The following SH3D19 variants were observed in gnomAD, a reference collection of about 807,000 sequenced individuals.
SH3D19 encodes the protein SH3 domain containing 19.
In SH3D19, 58 loss-of-function variants were observed where a neutral mutation model predicts 112.1. That is an observed-to-expected ratio of 0.52 (90% confidence interval 0.42 to 0.64). SH3D19 has a LOEUF of 0.64. Among genes scored for constraint, SH3D19 ranks in the 30% least tolerant of loss-of-function variants. SH3D19 has a pLI of 0.00. For missense variants in SH3D19, 1,090 were observed against 1,263.4 expected (o/e 0.86, Z 2.08); for synonymous variants, 391 against 448.5 (o/e 0.87, Z 1.62).
intron 2 of SH3D19, among the ~76,000 whole-genome samples, chr4:151,211,512 G>A (rs1007958857): frequency 1.3e-5 from 2 of 151,748 alleles, no homozygotes; most frequent in Non-Finnish European, 2.9e-5. Context: ...GAGGAAGGCA[G>A]GTCGAAAGCT....
intron 9 of SH3D19, among the ~76,000 whole-genome samples, chr4:151,150,314 TATATATAC>T (rs1754811401): frequency 7.2e-6 from 1 of 139,422 alleles, no homozygotes; most frequent in Non-Finnish European, 1.5e-5. Context: ...CACACACATA[TATATATAC>T]ATATATATAT....
At chr4:151,175,777 T>C (rs1759842855) in intron 6 of SH3D19, 103 bp from the exon 7 acceptor site, 1 of 1,071,730 alleles carries the variant, frequency 9.3e-7, no homozygotes, top group Admixed American at 4.2e-5. Context: ...ACTACATACA[T>C]GGAATATCAA....
At chr4:151,243,065 C>CA (rs542548429) in intron 1 of SH3D19, among the ~76,000 whole-genome samples, 147 of 152,160 alleles carry the variant, frequency 9.7e-4, no homozygotes, top group African/African-American at 3.4e-3. Context: ...AGAAAAATTG[C>CA]AAAAAGATTT....
chr4:151,282,090 G>A (rs1364061191), intron 1 of SH3D19: 1 of 1,576,824 alleles, frequency 6.3e-7, no homozygotes, highest in Non-Finnish European at 8.7e-7. Context: ...CTACATATAG[G>A]CAGCCTGTTC....
intron 1 of SH3D19, among the ~76,000 whole-genome samples, chr4:151,243,549 T>C (rs990736902): frequency 5.3e-5 from 8 of 152,360 alleles, no homozygotes; most frequent in East Asian, 3.9e-4. Context: ...GTTTATATTA[T>C]GTTGCCTAGT....
intron 2 of SH3D19, among the ~76,000 whole-genome samples, chr4:151,199,077 T>C (rs28401367): frequency 0.018 from 2,756 of 150,026 alleles, 82 homozygotes; most frequent in African/African-American, 0.063. Context: ...ACCAAGAACA[T>C]ATTTGGTAGC....
chr4:151,310,792 G>C (rs575539179), intron 1 of SH3D19, among the ~76,000 whole-genome samples: 4 of 151,320 alleles, frequency 2.6e-5, no homozygotes, highest in Admixed American at 6.6e-5. Flanking sequence ...GGCTGGTCTC[G>C]AACTCCTGAC....
intron 1 of SH3D19, among the ~76,000 whole-genome samples, chr4:151,294,516 A>G (rs1775566605): frequency 6.6e-6 from 1 of 152,252 alleles, no homozygotes; most frequent in Non-Finnish European, 1.5e-5. Context: ...GGCACCTAAC[A>G]CAACAGTTGC....
intron 1 of SH3D19, among the ~76,000 whole-genome samples, chr4:151,267,190 T>G (rs1772863203): frequency 6.7e-6 from 1 of 148,690 alleles, no homozygotes; most frequent in Non-Finnish European, 1.5e-5. Context: ...AATAAATTAG[T>G]CTAGCATAGT....
At chr4:151,241,818 T>C (rs1024585584) in intron 1 of SH3D19, among the ~76,000 whole-genome samples, 12 of 152,026 alleles carry the variant, frequency 7.9e-5, no homozygotes, top group Non-Finnish European at 1.5e-4. Flanking sequence ...TTAATACTTA[T>C]AGAAGTATAA....
At chr4:151,135,271 G>A in intron 14 of SH3D19, 139 bp from the exon 15 acceptor site, 3 of 543,424 alleles carry the variant, frequency 5.5e-6, no homozygotes, top group Non-Finnish European at 6.3e-6. Context: ...AGGAACTACA[G>A]GTGCTAAATG....
intron 1 of SH3D19, among the ~76,000 whole-genome samples, chr4:151,295,971 G>A (rs1259803687): frequency 1.3e-5 from 2 of 151,698 alleles, no homozygotes; most frequent in African/African-American, 2.4e-5. Context: ...AGGAGGCGGA[G>A]GTTGCAGTGA....
At chr4:151,167,684 G>C (rs1040431149) in intron 7 of SH3D19, among the ~76,000 whole-genome samples, 2 of 152,104 alleles carry the variant, frequency 1.3e-5, no homozygotes, top group Non-Finnish European at 2.9e-5. Flanking sequence ...GTCTCTGCCC[G>C]ACCGCCGCCC....
intron 1 of SH3D19, among the ~76,000 whole-genome samples, chr4:151,299,976 C>T (rs1039037899): frequency 6.6e-6 from 1 of 152,230 alleles, no homozygotes; most frequent in African/African-American, 2.4e-5. Context: ...CCAAGGCGGG[C>T]AGATCACCTG....
At chr4:151,197,937 T>C (rs1419785583) in intron 2 of SH3D19, among the ~76,000 whole-genome samples, 1 of 152,182 alleles carries the variant, frequency 6.6e-6, no homozygotes, top group Non-Finnish European at 1.5e-5. Flanking sequence ...ATTTGAATGT[T>C]ATTAATAAAA....
At chr4:151,158,691 A>AC (rs1207563972) in intron 9 of SH3D19, among the ~76,000 whole-genome samples, 4 of 151,878 alleles carry the variant, frequency 2.6e-5, no homozygotes, top group Admixed American at 2.6e-4. Flanking sequence ...CCAAAAAAAA[A>AC]AAATAAATAA....
intron 1 of SH3D19, among the ~76,000 whole-genome samples, chr4:151,253,544 C>T (rs1207369731): frequency 1.3e-5 from 2 of 152,200 alleles, no homozygotes; most frequent in East Asian, 3.9e-4. Context: ...ATTGAGACCA[C>T]CCTGGCTAAC....
At chr4:151,153,198 G>A (rs141120505) in intron 9 of SH3D19, among the ~76,000 whole-genome samples, 1 of 152,046 alleles carries the variant, frequency 6.6e-6, no homozygotes, top group Non-Finnish European at 1.5e-5. Context: ...TGGAATTACT[G>A]AGTGGCCTCC....
intron 16 of SH3D19, among the ~76,000 whole-genome samples, chr4:151,132,820 G>A (rs1751010571): frequency 6.6e-6 from 1 of 152,118 alleles, no homozygotes; most frequent in Non-Finnish European, 1.5e-5. Flanking sequence ...TTTCTTATAT[G>A]AAGCTATTGC....
Sources: gnomAD v4.1 joint callset for allele counts (sites outside exome capture counted in the v4.1 genomes callset) on GRCh38, gnomAD v4.1.1 for gene constraint, MANE v1.5 for transcripts, NCBI Gene and HGNC (gene_info 2026-07-23, HGNC 2026-07-21) for gene names.